The following PLCB1 variants were observed in gnomAD, a reference collection of about 807,000 sequenced individuals.
The protein encoded by PLCB1 is 1-phosphatidylinositol 4,5-bisphosphate phosphodiesterase beta-1.
A neutral mutation model predicts 161.8 loss-of-function variants in PLCB1; 46 were observed. The observed-to-expected ratio is 0.28, with a 90% CI of 0.22 to 0.36. The LOEUF (loss-of-function observed/expected upper bound fraction) is 0.36, where lower values mean the gene tolerates loss of function less well. Ranked by LOEUF, PLCB1 falls within the 10% of genes least tolerant of loss-of-function variation. The probability of loss-of-function intolerance (pLI) is 1.00; values close to 1 mark genes in which losing one functional copy is unlikely to be tolerated. For synonymous variants in PLCB1, 517 were observed against 503.7 expected (o/e 1.03, Z -0.35); for missense variants, 1,016 against 1,472.5 (o/e 0.69, Z 5.07).
At chr20:8,585,518 ACAG>A (rs1986963599) in intron 3 of PLCB1, among the ~76,000 whole-genome samples, 1 of 152,210 alleles carries the variant, frequency 6.6e-6, no homozygotes, top group Non-Finnish European at 1.5e-5. Context: ...ATAATACTAA[ACAG>A]CTTCCAGTTC....
At chr20:8,158,544 T>C (rs569452810) in intron 2 of PLCB1, among the ~76,000 whole-genome samples, 1 of 152,228 alleles carries the variant, frequency 6.6e-6, no homozygotes, top group South Asian at 2.1e-4. Context: ...TCAAAACAAA[T>C]CATGCCTTTC....
intron 2 of PLCB1, among the ~76,000 whole-genome samples, chr20:8,153,675 C>A (rs759420951): frequency 6.6e-6 from 1 of 152,066 alleles, no homozygotes; most frequent in Non-Finnish European, 1.5e-5. Context: ...TGCCTTGCAA[C>A]CTGATGCCCT....
chr20:8,726,127 A>C (rs1258461578), intron 16 of PLCB1, among the ~76,000 whole-genome samples: 1 of 152,142 alleles, frequency 6.6e-6, no homozygotes, highest in Non-Finnish European at 1.5e-5. Context: ...AGAGAGGTCA[A>C]AGAGGGAAAA....
intron 2 of PLCB1, among the ~76,000 whole-genome samples, chr20:8,369,518 A>G (rs916100291): frequency 2.0e-5 from 3 of 152,152 alleles, no homozygotes; most frequent in African/African-American, 2.4e-5. Context: ...TATAATGTGC[A>G]TTTTCTGAAG....
intron 3 of PLCB1, among the ~76,000 whole-genome samples, chr20:8,572,085 A>G (rs554335575): frequency 3.3e-5 from 5 of 152,326 alleles, no homozygotes; most frequent in Admixed American, 2.6e-4. Context: ...ACATTGTGCA[A>G]TGCTATTTTC....
intron 24 of PLCB1, among the ~76,000 whole-genome samples, chr20:8,757,717 G>C (rs1981809275): frequency 6.6e-6 from 1 of 151,964 alleles, no homozygotes; most frequent in Non-Finnish European, 1.5e-5. Context: ...GCCATTTTCA[G>C]GTGATAAAGT....
chr20:8,856,260 A>G (rs1021442567), intron 31 of PLCB1, among the ~76,000 whole-genome samples: 4 of 152,150 alleles, frequency 2.6e-5, no homozygotes, highest in African/African-American at 7.2e-5. Flanking sequence ...ATGGTATCAT[A>G]TGGAGTATCA....
At chr20:8,469,650 A>G (rs1872303728) in intron 3 of PLCB1, among the ~76,000 whole-genome samples, 1 of 152,140 alleles carries the variant, frequency 6.6e-6, no homozygotes, top group African/African-American at 2.4e-5. Flanking sequence ...AGTGACCAAA[A>G]TTCTTATAAA....
chr20:8,423,078 C>T (rs1487529924), intron 3 of PLCB1, among the ~76,000 whole-genome samples: 1 of 152,190 alleles, frequency 6.6e-6, no homozygotes, highest in Non-Finnish European at 1.5e-5. Context: ...ACCACCGCAA[C>T]TGTCATCTAC....
At chr20:8,715,443 A>G (rs1053099237) in intron 12 of PLCB1, among the ~76,000 whole-genome samples, 4 of 152,174 alleles carry the variant, frequency 2.6e-5, no homozygotes, top group African/African-American at 7.2e-5. Context: ...ACTTCATTTC[A>G]TCTTCTCAGC....
At chr20:8,589,608 C>A in intron 3 of PLCB1, among the ~76,000 whole-genome samples, 1 of 131,364 alleles carries the variant, frequency 7.6e-6, no homozygotes, top group Non-Finnish European at 1.6e-5. Flanking sequence ...GTCAATCTCT[C>A]TCTTTTTTTT....
intron 3 of PLCB1, among the ~76,000 whole-genome samples, chr20:8,538,239 C>A (rs1261093934): frequency 2.0e-5 from 3 of 151,982 alleles, no homozygotes; most frequent in Admixed American, 6.6e-5. Context: ...CAAATATCAA[C>A]AAAAAAGGAC....
chr20:8,278,625 T>A (rs1176349309), intron 2 of PLCB1, among the ~76,000 whole-genome samples: 1 of 151,850 alleles, frequency 6.6e-6, no homozygotes, highest in Non-Finnish European at 1.5e-5. Context: ...ATAATGCAAA[T>A]TAATACCAGG....
intron 20 of PLCB1, 42 bp downstream of exon 20, chr20:8,737,234 C>G: frequency 6.7e-7 from 1 of 1,496,204 alleles, no homozygotes; most frequent in African/African-American, 1.4e-5. Context: ...CTGCATTTTT[C>G]AGGTGTTTTA....
At chr20:8,802,560 T>C (rs1984335637) in intron 31 of PLCB1, 1 of 178,566 alleles carries the variant, frequency 5.6e-6, no homozygotes, top group South Asian at 1.5e-4. Flanking sequence ...TACACTGTTT[T>C]CCCGTGGTCC....
intron 3 of PLCB1, chr20:8,623,921 G>A (rs912994965): frequency 6.6e-6 from 1 of 152,168 alleles, no homozygotes; most frequent in Non-Finnish European, 1.5e-5. Flanking sequence ...GAAAATGAGA[G>A]GTATGAGGAT....
At chr20:8,820,284 A>G (rs1985278481) in intron 31 of PLCB1, among the ~76,000 whole-genome samples, 1 of 150,320 alleles carries the variant, frequency 6.7e-6, no homozygotes, top group Non-Finnish European at 1.5e-5. Context: ...TGAAATTCCT[A>G]CAGATTAAGT....
intron 3 of PLCB1, among the ~76,000 whole-genome samples, chr20:8,482,635 A>G (rs1482220026): frequency 6.6e-6 from 1 of 152,210 alleles, no homozygotes; most frequent in Non-Finnish European, 1.5e-5. Flanking sequence ...TTATGGGAAA[A>G]TGTGTTCCAT....
intron 2 of PLCB1, among the ~76,000 whole-genome samples, chr20:8,213,015 C>T (rs141353375): frequency 5.5e-4 from 83 of 152,148 alleles, no homozygotes; most frequent in African/African-American, 1.8e-3. Context: ...TGAATGGCCA[C>T]TTCATTCAAG....
Sources: allele counts gnomAD v4.1 joint callset (sites outside exome capture counted in the v4.1 genomes callset), GRCh38; gene constraint gnomAD v4.1.1; transcripts MANE v1.5; gene names NCBI Gene and HGNC (gene_info 2026-07-23, HGNC 2026-07-21).